RAB3IL1: variants seen among roughly 807,000 people sequenced by gnomAD.
RAB3IL1 encodes guanine nucleotide exchange factor for Rab-3A.
RAB3IL1 carries 37 observed loss-of-function variants against 49.2 expected under a neutral mutation model. The ratio of observed to expected loss-of-function variants is 0.75; its 90% CI spans 0.58 to 0.99. The LOEUF (loss-of-function observed/expected upper bound fraction) is 0.99, where lower values mean the gene tolerates loss of function less well. Among genes scored for constraint, RAB3IL1 ranks in the 50% least tolerant of loss-of-function variants. The pLI is 0.00. For synonymous variants in RAB3IL1, 193 were observed against 213.9 expected (o/e 0.90, Z 0.85); for missense variants, 484 against 513.0 (o/e 0.94, Z 0.55).
upstream of RAB3IL1, among the ~76,000 whole-genome samples, chr11:61,924,389 G>A (rs1001839302): frequency 5.3e-5 from 8 of 152,130 alleles, no homozygotes; most frequent in Admixed American, 5.2e-4. Context: ...AGCAAGCACA[G>A]ACACTAAGCT....
Position 61,906,543 on chromosome 11 carries a change from T to C in RAB3IL1, c.580A>G (p.Ser194Gly). The change falls in exon 5 of 10, where the codon AGC becomes GGC. Residue 194 changes from serine (S) to glycine (G), a missense_variant. Transcript: ENST00000394836. The surrounding 1 kb of genome is among the most constrained non-coding windows in gnomAD (Gnocchi z 4.6). Reference sequence around the variant, plus strand: ...GCGGGGCAGAGGGTGCTGCTGGTGCTCTTGTGGCGAGAGTGGCCCTTTCGG... The same window carrying C: ...GCGGGGCAGAGGGTGCTGCTGGTGCCCTTGTGGCGAGAGTGGCCCTTTCGG... ...GPRKGHSRHK[S>G]TSSTLCPAVC... 1 of 1,575,028 alleles carries C rather than the reference T, an allele frequency of 6.3e-7. No individual in the cohort carries two copies. The highest frequency in any genetic ancestry group is 8.6e-7 in the Non-Finnish European group (1 of 1,160,972).
chr11:61,906,613 G>C lies in RAB3IL1; in HGVS notation c.510C>G (p.Asn170Lys). Reference sequence around the variant, plus strand: ...TCAGCAGCTGGGGGTGAAGCTCGCGGTTGGGAGAGGCTGGTGTGGACGTGA... The same window carrying C: ...TCAGCAGCTGGGGGTGAAGCTCGCGCTTGGGAGAGGCTGGTGTGGACGTGA... ...LVITSTPASP[N>K]RELHPQLLSP... is the part of the protein sequence containing the mutation. The change falls in exon 5 of 10, where the codon AAC (asparagine) becomes AAG (lysine). Residue 170 changes from asparagine (N) to lysine (K), a missense_variant. Coordinates refer to ENST00000394836, the MANE Select transcript of RAB3IL1 (RefSeq NM_013401.4). This position sits in a 1 kb window ranked among gnomAD's most constrained non-coding sequence, Gnocchi z 4.6. The C allele has an allele frequency of 6.2e-7, 1 of 1,612,172 alleles. No individual in the cohort carries two copies. The highest frequency in any genetic ancestry group is 8.5e-7 in the Non-Finnish European group (1 of 1,179,404).
At chr11:61,922,458 G>A (rs371463802), upstream of RAB3IL1, among the ~76,000 whole-genome samples, 123 of 152,174 alleles carry the variant, frequency 8.1e-4, no homozygotes, top group African/African-American at 2.9e-3. Flanking sequence ...GGAGGCAGAG[G>A]TTGCGGTGAG....
At chr11:61,940,452 G>GA in the RAB3IL1 span, among the ~76,000 whole-genome samples, 49 of 141,174 alleles carry the variant, frequency 3.5e-4, no homozygotes, top group Non-Finnish European at 6.6e-4. Context: ...CAAAAAAAAA[G>GA]AAAAAAAAAA....
the RAB3IL1 span, among the ~76,000 whole-genome samples, chr11:61,925,788 A>T: frequency 6.6e-6 from 1 of 152,206 alleles, no homozygotes; most frequent in African/African-American, 2.4e-5. Context: ...GGGACAGGAA[A>T]AAAAAAGTCT....
chr11:61,934,450 G>GTGTATGTGTATATATA, the RAB3IL1 span, among the ~76,000 whole-genome samples: 1 of 31,618 alleles, frequency 3.2e-5, no homozygotes, highest in African/African-American at 9.1e-5. Context: ...GTGTGTGTAT[G>GTGTATGTGTATATATA]TATATATATA....
upstream of RAB3IL1, chr11:61,920,236 A>G (rs945365460): frequency 2.4e-6 from 3 of 1,240,976 alleles, no homozygotes; most frequent in Admixed American, 4.1e-5. Flanking sequence ...GGTGCCGGGA[A>G]GGGAGGTAGC....
chr11:61,944,272 C>CTTCCT, the RAB3IL1 span, among the ~76,000 whole-genome samples: 1 of 14,680 alleles, frequency 6.8e-5, no homozygotes, highest in Admixed American at 6.0e-4. Flanking sequence ...CCTTCCTTCC[C>CTTCCT]TCCTTTGTTG....
At chr11:61,915,367 T>C (rs1265574157) in intron 1 of RAB3IL1, among the ~76,000 whole-genome samples, 2 of 152,088 alleles carry the variant, frequency 1.3e-5, no homozygotes, top group Non-Finnish European at 2.9e-5. Context: ...GAAGCAACCA[T>C]CCATCTACTG....
At chr11:61,907,356 G>C in intron 4 of RAB3IL1, 37 bp downstream of exon 4, 2 of 1,604,196 alleles carry the variant, frequency 1.2e-6, no homozygotes, top group Non-Finnish European at 1.7e-6. Context: ...CAGGGGGGGT[G>C]CCTGGGCTGG....
rs1334479922 is a variant in RAB3IL1, at chr11:61,908,249, C to T, written c.69G>A (p.Trp23Ter). 4 of 1,528,666 alleles carry T rather than the reference C, an allele frequency of 2.6e-6. No individual in the cohort carries two copies. Among genetic ancestry groups the T allele is most frequent in the Non-Finnish European group, 2.6e-6 (3 of 1,136,774 alleles). The allele number at this position is 1,528,666 out of a possible 1,614,324, so 94.7% of individuals were successfully genotyped here. The change falls in exon 2 of 10, where the codon TGG becomes TGA. Residue 23 changes from tryptophan to a stop codon, truncating the protein, a stop_gained. Transcript: ENST00000394836. LOFTEE classifies it high-confidence loss of function. Reference protein sequence around the residue: ...PPPLAAVPVPWKSTDPCQGHR... With the variant: ...PPPLAAVPVP ...GGCCTTGGCAGGGGTCCGTGCTCTT[C>T]CAGGGGACCGGGACAGCTGCAAGGG...
intron 1 of RAB3IL1, 116 bp downstream of exon 1, chr11:61,917,241 C>T: frequency 7.8e-7 from 1 of 1,285,396 alleles, no homozygotes; most frequent in East Asian, 3.2e-5. Context: ...AGGGCGGGGG[C>T]GCACAGCACC....
the RAB3IL1 span, among the ~76,000 whole-genome samples, chr11:61,927,354 C>G: frequency 4.6e-3 from 707 of 152,278 alleles, 5 homozygotes; most frequent in Middle Eastern, 0.024. Flanking sequence ...ATTGCCCAGA[C>G]TCAGGTATTC....
intron 7 of RAB3IL1, among the ~76,000 whole-genome samples, chr11:61,903,440 G>A (rs912007093): frequency 6.6e-6 from 1 of 152,116 alleles, no homozygotes; most frequent in Non-Finnish European, 1.5e-5. Context: ...CTTGGCTGCG[G>A]ACTTATCAGA....
chr11:61,904,486 A>G, intron 7 of RAB3IL1, 60 bp downstream of exon 7: 14 of 1,490,402 alleles, frequency 9.4e-6, no homozygotes, highest in Non-Finnish European at 1.3e-5. Flanking sequence ...GGCACAGTAA[A>G]CACACGGCTT....
intron 8 of RAB3IL1, among the ~76,000 whole-genome samples, chr11:61,901,453 G>A (rs1050238023): frequency 7.2e-5 from 11 of 152,204 alleles, no homozygotes; most frequent in Non-Finnish European, 1.0e-4. Flanking sequence ...CCAAAGCTTC[G>A]GCCAGCACCT....
At chr11:61,914,335 C>A (rs532997686) in intron 1 of RAB3IL1, among the ~76,000 whole-genome samples, 1 of 152,352 alleles carries the variant, frequency 6.6e-6, no homozygotes, top group African/African-American at 2.4e-5. Flanking sequence ...CTGGCCCTCT[C>A]TAGCCATAGG....
rs765590428 is a variant in RAB3IL1 at position 61,898,253 on chromosome 11, C to T, written c.*25G>A. 8 of 1,605,950 alleles carry T rather than the reference C, an allele frequency of 5.0e-6. No homozygotes were observed. The Admixed American group carries it at 1.3e-4, about 27-fold the overall frequency. ...GGTGGGTGTTTGCTCTGTCTCAGAGCTCCCCTTCAGGCCTGGGCCGCGCCC... is the reference window on the plus strand; with the variant it reads ...GGTGGGTGTTTGCTCTGTCTCAGAGTTCCCCTTCAGGCCTGGGCCGCGCCC... On this transcript the variant is annotated 3_prime_UTR_variant, in exon 10 of 10. Transcript: ENST00000394836. The surrounding 1 kb of genome is among the most constrained non-coding windows in gnomAD (Gnocchi z 5.1).
intron 1 of RAB3IL1, 144 bp downstream of exon 1, chr11:61,917,213 G>A (rs1447335327): frequency 1.6e-6 from 2 of 1,236,598 alleles, no homozygotes; most frequent in East Asian, 3.4e-5. Context: ...CTGGCTGCAA[G>A]TCGGCTCGCC....
Sources: allele counts gnomAD v4.1 joint callset (sites outside exome capture counted in the v4.1 genomes callset), GRCh38; gene constraint gnomAD v4.1.1; non-coding constraint Gnocchi (gnomAD v3.1); transcripts MANE v1.5; gene names NCBI Gene and HGNC (gene_info 2026-07-23, HGNC 2026-07-21).